NLRP2: variants seen among roughly 807,000 people sequenced by gnomAD.
NLRP2 encodes the protein NLR family pyrin domain containing 2.
Under a neutral mutation model 97.2 loss-of-function variants are expected in NLRP2, and 107 were observed. The ratio of observed to expected loss-of-function variants is 1.10; its 90% CI spans 0.94 to 1.29. NLRP2 has a LOEUF of 1.29. Ranked by LOEUF, NLRP2 falls within the 50% of genes most tolerant of loss-of-function variation. The pLI is 0.00. For synonymous variants in NLRP2, 663 were observed against 551.5 expected, an observed-to-expected ratio of 1.20 and a Z score of -2.83; for missense variants, 1,495 against 1,330.3, an observed-to-expected ratio of 1.12 and a Z score of -1.93.
intron 6 of NLRP2, among the ~76,000 whole-genome samples, chr19:54,984,298 C>T (rs973453807): frequency 2.3e-5 from 3 of 132,388 alleles, no homozygotes; most frequent in African/African-American, 8.2e-5. Context: ...ACCATCATGT[C>T]CAGCTAACTT....
intron 10 of NLRP2, among the ~76,000 whole-genome samples, chr19:54,991,818 G>A (rs1376689221): frequency 2.0e-5 from 3 of 148,158 alleles, no homozygotes; most frequent in East Asian, 4.0e-4. Flanking sequence ...AGCCGAGATC[G>A]TGCCAGCCTG....
chr19:54,970,316 A>G, intron 2 of NLRP2, 21 bp downstream of exon 2: 1 of 1,613,880 alleles, frequency 6.2e-7, no homozygotes, highest in Non-Finnish European at 8.5e-7. Context: ...ATCGGTCCAC[A>G]CTGTGTCCTA....
chr19:54,990,428 G>A, intron 9 of NLRP2, 74 bp from the exon 10 acceptor site: 1 of 1,483,636 alleles, frequency 6.7e-7, no homozygotes, highest in Non-Finnish European at 9.4e-7. Flanking sequence ...TTTGGATGCT[G>A]GCACTTGTGG....
chr19:54,997,271 G>T, intron 11 of NLRP2, 46 bp from the exon 12 acceptor site: 1 of 1,599,336 alleles, frequency 6.3e-7, no homozygotes, highest in Non-Finnish European at 8.6e-7. Context: ...GGAGGGCATC[G>T]ATCAGCACTG....
In NLRP2 at chr19:54,974,490, C is replaced by G; in HGVS notation, c.281-10C>G. 3 of 1,610,552 alleles carry G rather than the reference C, an allele frequency of 1.9e-6. No homozygotes were observed. The highest frequency in any genetic ancestry group is 2.5e-6 in the Non-Finnish European group (3 of 1,176,792). ...AAAATGCAAAATTTTCCCCCCTTCT[C>G]CTTTTTCAGAAGCAGCTTTGAAATC... is the stretch of plus-strand genomic sequence containing the variant. On this transcript the variant is annotated splice_polypyrimidine_tract_variant and intron_variant, in intron 2 of 12. Coordinates refer to ENST00000448584, the MANE Select transcript of NLRP2 (RefSeq NM_017852.5).
At chr19:54,981,587 G>A (rs1190334077) in intron 4 of NLRP2, 30 bp from the exon 5 acceptor site, 1 of 1,213,408 alleles carries the variant, frequency 8.2e-7, no homozygotes, top group Non-Finnish European at 1.1e-6. Flanking sequence ...CTGATTTTGT[G>A]TCAATCTCAC....
At chr19:54,968,509 A>AT (rs922710122) in intron 1 of NLRP2, among the ~76,000 whole-genome samples, 1 of 128,074 alleles carries the variant, frequency 7.8e-6, no homozygotes, top group Non-Finnish European at 1.7e-5. Context: ...TTTTTTTTGT[A>AT]TTTTTTTGTA....
Position 54,993,242 on chromosome 19 carries a change from T to A in NLRP2, c.2709-1027T>A, listed in dbSNP as rs1018517935. The stretch of plus-strand genomic sequence containing the variant: ...AAAAAAAAAAAAAAAAAAGTTTCTA[T>A]ACATTCATAAAGTTTCAAGATTTGG... On this transcript the variant is annotated intron_variant, in intron 10 of 12. Coordinates refer to ENST00000448584, the MANE Select transcript of NLRP2 (RefSeq NM_017852.5). 10 of 149,100 alleles carry A rather than the reference T, an allele frequency of 6.7e-5. No individual in the cohort carries two copies. In the Admixed American group the frequency reaches 6.7e-4, roughly 10 times the overall value. The allele number at this position is 149,100 out of a possible 1,614,324, so 9.2% of individuals were successfully genotyped here.
chr19:54,981,990 C>G (rs2146424237), intron 5 of NLRP2, among the ~76,000 whole-genome samples, 172 bp from the exon 6 acceptor site: 1 of 152,186 alleles, frequency 6.6e-6, no homozygotes, highest in Middle Eastern at 3.4e-3. Context: ...GTTGGTCAGG[C>G]TGGTGTTGAA....
chr19:55,000,713 T>A, intron 12 of NLRP2, 47 bp from the exon 13 acceptor site: 1 of 1,604,206 alleles, frequency 6.2e-7, no homozygotes. Flanking sequence ...TTGAAACAAA[T>A]CTCCTTGATG....
At chr19:54,978,422 A>T (rs932813937) in intron 4 of NLRP2, among the ~76,000 whole-genome samples, 4 of 151,972 alleles carry the variant, frequency 2.6e-5, no homozygotes, top group African/African-American at 9.7e-5. Flanking sequence ...TACTTTTAGT[A>T]GAGACAGGTT....
At chr19:54,975,552 T>C (rs373077816) in intron 3 of NLRP2, among the ~76,000 whole-genome samples, 5 of 127,518 alleles carry the variant, frequency 3.9e-5, no homozygotes, top group Admixed American at 7.6e-5. Context: ...CCCGGGTTCA[T>C]GCCATTCTCC....
At chr19:54,992,091 A>G (rs2072513183) in intron 10 of NLRP2, among the ~76,000 whole-genome samples, 1 of 151,100 alleles carries the variant, frequency 6.6e-6, no homozygotes, top group Non-Finnish European at 1.5e-5. Flanking sequence ...TAATTTTTAT[A>G]TTTTTAGTAG....
At chr19:54,977,157 A>G (rs1347875272) in intron 3 of NLRP2, among the ~76,000 whole-genome samples, 2 of 151,966 alleles carry the variant, frequency 1.3e-5, no homozygotes, top group Admixed American at 6.6e-5. Context: ...TTTTAAATTT[A>G]TCTACCTCAT....
intron 4 of NLRP2, among the ~76,000 whole-genome samples, chr19:54,978,257 G>A (rs896001210): frequency 6.7e-5 from 9 of 134,628 alleles, no homozygotes; most frequent in African/African-American, 2.6e-4. Flanking sequence ...TTTTTGAGAC[G>A]AAGTCTTGTT....
chr19:54,981,726 T>G (rs990067047), intron 5 of NLRP2, 44 bp downstream of exon 5: 23 of 1,094,134 alleles, frequency 2.1e-5, no homozygotes, highest in Admixed American at 3.4e-5. Flanking sequence ...ATCAGATTTC[T>G]CTTTATAAAC....
At chr19:54,985,692 A>AAG (rs2072017940) in intron 7 of NLRP2, among the ~76,000 whole-genome samples, 1 of 143,200 alleles carries the variant, frequency 7.0e-6, no homozygotes, top group South Asian at 2.1e-4. Context: ...AAAAAAAAAA[A>AAG]AAAAAAGAAA....
chr19:54,991,159 A>C (rs2072450037), intron 10 of NLRP2: 1 of 183,694 alleles, frequency 5.4e-6, no homozygotes. Flanking sequence ...AATGATTTGC[A>C]AATCAGGTAG....
chr19:54,978,091 C>T (rs1301889670), intron 4 of NLRP2, among the ~76,000 whole-genome samples: 1 of 152,102 alleles, frequency 6.6e-6, no homozygotes. Flanking sequence ...GAGACAGTTT[C>T]TCTGTTGGCC....
Sources: allele counts gnomAD v4.1 joint callset (sites outside exome capture counted in the v4.1 genomes callset), GRCh38; gene constraint gnomAD v4.1.1; transcripts MANE v1.5; gene names NCBI Gene and HGNC (gene_info 2026-07-23, HGNC 2026-07-21).